The following ESRRG variants were observed in gnomAD, a reference collection of about 807,000 sequenced individuals.
ESRRG encodes the protein estrogen related receptor gamma.
A neutral mutation model predicts 44.0 loss-of-function variants in ESRRG; 13 were observed. The observed-to-expected ratio is 0.30, with a 90% CI of 0.19 to 0.47. ESRRG has a LOEUF of 0.47. ESRRG is among the 20% of genes least tolerant of loss of function. The pLI, the probability that ESRRG is intolerant of heterozygous loss-of-function variation, is 1.00. For synonymous variants in ESRRG, 215 were observed against 214.6 expected (o/e 1.00, Z -0.02); for missense variants, 395 against 580.6 (o/e 0.68, Z 3.29).
At chr1:216,941,105 A>C (rs1475954751) in intron 1 of ESRRG, among the ~76,000 whole-genome samples, 1 of 152,178 alleles carries the variant, frequency 6.6e-6, no homozygotes, top group Non-Finnish European at 1.5e-5. Flanking sequence ...AGATGACTCA[A>C]ATGTGAGAAT....
At chr1:216,636,220 C>A (rs2065267532) in intron 3 of ESRRG, among the ~76,000 whole-genome samples, 2 of 152,116 alleles carry the variant, frequency 1.3e-5, no homozygotes, top group Non-Finnish European at 2.9e-5. Flanking sequence ...CAATACAATT[C>A]CAAATGCATC....
At position 216,821,700 on chromosome 1, in the gene ESRRG, ATAAATAAAT is replaced by A. The variant is rs2095296806; in HGVS notation, c.-14+117873_-14+117881del. On this transcript the variant is annotated intron_variant, in intron 2 of 7. Transcript: ENST00000359162. ...AACCTGCCTCAGGAAAAATAAATAAATAAATAAATAAATAAATAAATAAATAAATAAATA... is the reference window on the plus strand; with the variant it reads ...AACCTGCCTCAGGAAAAATAAATAAAAAATAAATAAATAAATAAATAAATA... Among the ~76,000 whole-genome samples, 22 of 124,018 alleles carry A rather than the reference ATAAATAAAT, an allele frequency of 1.8e-4. 4 individuals are homozygous for A. In the East Asian group the frequency reaches 3.3e-3, roughly 19 times the overall value. 81.4% of individuals were successfully genotyped at this position (124,018 alleles called of 152,430 possible). A position where few individuals can be genotyped will look rare whatever the true frequency, so the allele number is the denominator to read the frequency against.
rs12077936 is a variant in ESRRG, at chr1:217,070,460, C to T, written c.-106+19047G>A. 5.6e-3 allele frequency among the ~76,000 whole-genome samples: 856 copies of T among 152,030 alleles called. 9 individuals are homozygous for T. Among genetic ancestry groups the T allele is most frequent in the African/African-American group, 0.02 (813 of 41,466 alleles). Reference sequence around the variant, plus strand: ...GCAGTGGTGTGATCTTGGCTCACTGCAACCTATGCTTCCCAGGTTCAAGCG... The same window carrying T: ...GCAGTGGTGTGATCTTGGCTCACTGTAACCTATGCTTCCCAGGTTCAAGCG... On this transcript the variant is annotated intron_variant, in intron 1 of 7. Transcript: ENST00000359162.
chr1:217,004,250 G>C (rs2077433039), intron 1 of ESRRG, among the ~76,000 whole-genome samples: 1 of 152,144 alleles, frequency 6.6e-6, no homozygotes, highest in Non-Finnish European at 1.5e-5. Flanking sequence ...GATATGGTTT[G>C]GCTGTGTCCC....
intron 1 of ESRRG, among the ~76,000 whole-genome samples, chr1:217,122,945 G>A (rs2102505425): frequency 6.6e-6 from 1 of 151,806 alleles, no homozygotes; most frequent in East Asian, 1.9e-4. Flanking sequence ...GCCTGCCTCG[G>A]CCTCCCAAAG....
At position 216,672,368 on chromosome 1, in the gene ESRRG, C is replaced by T. The variant is rs189835953; in HGVS notation, c.472+4708G>A. Among the ~76,000 whole-genome samples, 435 of 152,242 alleles carry T rather than the reference C, an allele frequency of 2.9e-3. 3 individuals are homozygous for T. The highest frequency in any genetic ancestry group is 0.01 in the African/African-American group (428 of 41,558). On this transcript the variant is annotated intron_variant, in intron 2 of 6. Transcript: ENST00000408911. ...AAAATAGTCAACAAGTAAAATATTC[C>T]TTTCTATTTACCTTTCATTGAAATC...
chr1:216,702,772 G>C (rs917044951), intron 1 of ESRRG, among the ~76,000 whole-genome samples: 1 of 105,748 alleles, frequency 9.5e-6, no homozygotes, highest in African/African-American at 4.2e-5. Flanking sequence ...GCAAGACTCT[G>C]CCTCAAAAAA....
chr1:217,009,878 G>A (rs925746052), intron 1 of ESRRG, among the ~76,000 whole-genome samples: 1 of 151,680 alleles, frequency 6.6e-6, no homozygotes, highest in South Asian at 2.1e-4. Flanking sequence ...GCTAATTTTT[G>A]TATTTTTAGT....
chr1:217,077,717 T>A (rs919240403), intron 1 of ESRRG, among the ~76,000 whole-genome samples: 4 of 152,204 alleles, frequency 2.6e-5, no homozygotes, highest in African/African-American at 9.6e-5. Flanking sequence ...AACTGCAAAC[T>A]AATATGTTTT....
At chr1:216,994,562 C>CA (rs1398468664) in intron 1 of ESRRG, among the ~76,000 whole-genome samples, 1 of 152,124 alleles carries the variant, frequency 6.6e-6, no homozygotes, top group African/African-American at 2.4e-5. Context: ...TGACAACACT[C>CA]AATTCAGTCC....
intron 1 of ESRRG, among the ~76,000 whole-genome samples, chr1:217,027,442 T>C (rs1340044950): frequency 6.6e-6 from 1 of 152,168 alleles, no homozygotes; most frequent in Non-Finnish European, 1.5e-5. Context: ...TTCAGTGTAA[T>C]TAGAAATCGA....
chr1:216,841,688 TCA>T (rs989292942), intron 2 of ESRRG, among the ~76,000 whole-genome samples: 9 of 152,092 alleles, frequency 5.9e-5, no homozygotes, highest in African/African-American at 1.9e-4. Context: ...AACCTCCCCT[TCA>T]GCCTGCAGGG....
At chr1:216,765,007 G>A (rs1413280183) in intron 2 of ESRRG, among the ~76,000 whole-genome samples, 3 of 152,072 alleles carry the variant, frequency 2.0e-5, no homozygotes, top group Non-Finnish European at 2.9e-5. Context: ...ACAAGGCTTG[G>A]TGAGGGCCGG....
intron 1 of ESRRG, among the ~76,000 whole-genome samples, chr1:217,101,867 T>TGAG (rs2151568859): frequency 6.6e-6 from 1 of 152,276 alleles, no homozygotes; most frequent in East Asian, 1.9e-4. Context: ...AGGGCAATGA[T>TGAG]GCGATCTTGG....
At chr1:216,761,269 A>G (rs1344029970) in intron 2 of ESRRG, among the ~76,000 whole-genome samples, 3 of 151,750 alleles carry the variant, frequency 2.0e-5, no homozygotes, top group Admixed American at 1.3e-4. Context: ...TAAACTCTAG[A>G]TCTTCTAGAG....
At chr1:217,133,865 G>C (rs2093010420) in intron 1 of ESRRG, among the ~76,000 whole-genome samples, 1 of 152,030 alleles carries the variant, frequency 6.6e-6, no homozygotes, top group African/African-American at 2.4e-5. Context: ...ATGGGGCTGA[G>C]AGATACTGAG....
At chr1:216,984,435 C>G (rs2074529945) in intron 1 of ESRRG, among the ~76,000 whole-genome samples, 1 of 152,172 alleles carries the variant, frequency 6.6e-6, no homozygotes. Flanking sequence ...AAGTATTTCT[C>G]TAACATCTCC....
intron 1 of ESRRG, among the ~76,000 whole-genome samples, chr1:217,098,301 A>C (rs745551799): frequency 3.3e-5 from 5 of 150,782 alleles, no homozygotes; most frequent in Non-Finnish European, 5.9e-5. Context: ...GAAAAAGTAC[A>C]TCATAAAACA....
chr1:217,003,670 C>T (rs1181314321), intron 1 of ESRRG, among the ~76,000 whole-genome samples: 1 of 150,032 alleles, frequency 6.7e-6, no homozygotes, highest in Admixed American at 6.6e-5. Flanking sequence ...ATCAGTAATT[C>T]ATTTGTTATT....
Sources: allele counts gnomAD v4.1 joint callset (sites outside exome capture counted in the v4.1 genomes callset), GRCh38; gene constraint gnomAD v4.1.1; transcripts MANE v1.5; gene names NCBI Gene and HGNC (gene_info 2026-07-23, HGNC 2026-07-21).